CSTPP1: variants seen among roughly 807,000 people sequenced by gnomAD.
CSTPP1 encodes centriolar satellite-associated tubulin polyglutamylase complex regulator 1.
chr11:47,140,596 A>ATT, the CSTPP1 span, among the ~76,000 whole-genome samples: 4 of 143,304 alleles, frequency 2.8e-5, no homozygotes, highest in African/African-American at 7.6e-5. Flanking sequence ...TGCCCGGCTA[A>ATT]TTTTTTTTTT....
the CSTPP1 span, chr11:47,123,095 C>G: frequency 6.6e-6 from 1 of 152,104 alleles, no homozygotes; most frequent in African/African-American, 2.4e-5. Flanking sequence ...ATCATGAGGT[C>G]ATGTACTTTG....
chr11:47,144,234 G>T, the CSTPP1 span, among the ~76,000 whole-genome samples: 25 of 152,112 alleles, frequency 1.6e-4, no homozygotes, highest in Non-Finnish European at 2.8e-4. Context: ...TGTTGCCCAG[G>T]CTGGAGTGCA....
the CSTPP1 span, among the ~76,000 whole-genome samples, chr11:47,146,101 G>A: frequency 6.6e-6 from 1 of 151,894 alleles, no homozygotes; most frequent in Non-Finnish European, 1.5e-5. Flanking sequence ...AGTGGCTCAC[G>A]CCTGTAATCC....
At chr11:47,161,783 G>T in the CSTPP1 span, 2 of 1,419,232 alleles carry the variant, frequency 1.4e-6, no homozygotes, top group Non-Finnish European at 1.8e-6. Flanking sequence ...CAGCCAGAGG[G>T]GCTCTGATGA....
chr11:47,105,458 A>C, the CSTPP1 span, among the ~76,000 whole-genome samples: 1 of 152,170 alleles, frequency 6.6e-6, no homozygotes, highest in Non-Finnish European at 1.5e-5. Context: ...CCATGATCAT[A>C]CAACTGTACT....
chr11:46,982,405 C>T, the CSTPP1 span, among the ~76,000 whole-genome samples: 1 of 151,778 alleles, frequency 6.6e-6, no homozygotes, highest in South Asian at 2.1e-4. Flanking sequence ...AGATTTTTTC[C>T]AGTGAGACTT....
At chr11:47,141,941 A>C in the CSTPP1 span, among the ~76,000 whole-genome samples, 1 of 149,036 alleles carries the variant, frequency 6.7e-6, no homozygotes, top group Non-Finnish European at 1.5e-5. Context: ...TCAAAAAAAA[A>C]AAAAAAAAAA....
At chr11:47,072,406 C>G in the CSTPP1 span, among the ~76,000 whole-genome samples, 3 of 152,194 alleles carry the variant, frequency 2.0e-5, no homozygotes, top group African/African-American at 7.2e-5. Flanking sequence ...ATGGATTTTA[C>G]ATGGACAAAT....
chr11:47,157,006 CA>C, the CSTPP1 span: 1 of 1,613,754 alleles, frequency 6.2e-7, no homozygotes, highest in East Asian at 2.2e-5. Flanking sequence ...CCCACACCCC[CA>C]CCCCCACGGT....
the CSTPP1 span, among the ~76,000 whole-genome samples, chr11:47,058,215 C>G: frequency 6.6e-6 from 1 of 152,242 alleles, no homozygotes; most frequent in East Asian, 1.9e-4. Context: ...GTGGTCCCAG[C>G]TACTCTAATG....
the CSTPP1 span, among the ~76,000 whole-genome samples, chr11:47,130,444 C>A: frequency 6.6e-6 from 1 of 152,158 alleles, no homozygotes; most frequent in Admixed American, 6.5e-5. Flanking sequence ...ATTCAGTCAA[C>A]TAATTATCAT....
the CSTPP1 span, among the ~76,000 whole-genome samples, chr11:46,965,006 G>A: frequency 6.6e-6 from 1 of 152,202 alleles, no homozygotes; most frequent in East Asian, 1.9e-4. Context: ...TGGTTGGACA[G>A]GTAATCATGA....
the CSTPP1 span, among the ~76,000 whole-genome samples, chr11:46,984,816 G>A: frequency 6.6e-6 from 1 of 151,882 alleles, no homozygotes; most frequent in Non-Finnish European, 1.5e-5. Context: ...GCCTAAGGAA[G>A]GACTCTTTTT....
At chr11:47,068,397 T>A in the CSTPP1 span, among the ~76,000 whole-genome samples, 1 of 151,962 alleles carries the variant, frequency 6.6e-6, no homozygotes, top group Admixed American at 6.6e-5. Flanking sequence ...TGAAGCACGG[T>A]GGCGCGCGCC....
chr11:46,988,881 A>T, the CSTPP1 span, among the ~76,000 whole-genome samples: 14 of 152,268 alleles, frequency 9.2e-5, no homozygotes, highest in South Asian at 6.2e-4. Flanking sequence ...ACTTAAAAAA[A>T]TTTTTTAAAG....
the CSTPP1 span, among the ~76,000 whole-genome samples, chr11:47,074,510 A>G: frequency 7.8e-6 from 1 of 128,658 alleles, no homozygotes; most frequent in Non-Finnish European, 1.5e-5. Context: ...AGAAAAAAAA[A>G]AAAAAAAAAA....
At chr11:47,153,983 G>A in the CSTPP1 span, among the ~76,000 whole-genome samples, 37 of 151,412 alleles carry the variant, frequency 2.4e-4, no homozygotes, top group Non-Finnish European at 5.2e-4. Flanking sequence ...TCTGTCTCAC[G>A]GGCTGGAGTG....
chr11:47,148,958 G>A, the CSTPP1 span, among the ~76,000 whole-genome samples: 1 of 152,298 alleles, frequency 6.6e-6, no homozygotes, highest in South Asian at 2.1e-4. Flanking sequence ...AATTAGGGGT[G>A]AATAGGAAGT....
chr11:47,075,926 C>CA, the CSTPP1 span, among the ~76,000 whole-genome samples: 1,681 of 35,684 alleles, frequency 0.047, 208 homozygotes, highest in Admixed American at 0.15. Flanking sequence ...GATTCATTCT[C>CA]AAAAAAAAAA....
Sources: allele counts gnomAD v4.1 joint callset (sites outside exome capture counted in the v4.1 genomes callset), GRCh38; gene constraint gnomAD v4.1.1; transcripts MANE v1.5; gene names NCBI Gene and HGNC (gene_info 2026-07-23, HGNC 2026-07-21).